NKIRAS1: variants seen among roughly 807,000 people sequenced by gnomAD.
NKIRAS1 encodes NFKB inhibitor interacting Ras like 1.
In NKIRAS1, 16 loss-of-function variants were observed where a neutral mutation model predicts 19.8. The observed-to-expected ratio is 0.81, with a 90% CI of 0.55 to 1.23. The LOEUF is 1.23. Ranked by LOEUF, NKIRAS1 falls within the 50% of genes most tolerant of loss-of-function variation. NKIRAS1 has a pLI of 0.00. For missense variants in NKIRAS1, 184 were observed against 220.0 expected (o/e 0.84, Z 1.04); for synonymous variants, 88 against 79.0 (o/e 1.11, Z -0.61).
intron 3 of NKIRAS1, among the ~76,000 whole-genome samples, chr3:23,903,500 C>G (rs1460922509): frequency 6.6e-6 from 1 of 151,944 alleles, no homozygotes; most frequent in Non-Finnish European, 1.5e-5. Flanking sequence ...GAGACCGCTA[C>G]AGAGAAACCA....
Position 23,891,163 on chromosome 3 carries a change from C to G in NKIRAS1, c.*1932G>C, listed in dbSNP as rs1019393588. On this transcript the variant is annotated 3_prime_UTR_variant, in exon 5 of 5. Coordinates refer to ENST00000425478, the MANE Select transcript of NKIRAS1 (RefSeq NM_020345.4). ...TGTTTAAAAAAGGTCTGAATCAGGA[C>G]TTGTGAAAACCTGTAGTGAAATACC... 6.6e-6 allele frequency: 1 copy of G among 152,494 alleles called. No homozygotes were observed. The highest frequency in any genetic ancestry group is 2.4e-5 in the African/African-American group (1 of 41,424). 9.4% of individuals were successfully genotyped at this position (152,494 alleles called of 1,614,324 possible).
intron 1 of NKIRAS1, chr3:23,946,205 C>T: frequency 1.0e-6 from 1 of 985,396 alleles, no homozygotes; most frequent in Non-Finnish European, 1.2e-6. Context: ...GTCCCCGAAG[C>T]GGGCGCTGAC....
At chr3:23,912,845 G>A (rs1415469231) in intron 1 of NKIRAS1, among the ~76,000 whole-genome samples, 7 of 152,078 alleles carry the variant, frequency 4.6e-5, no homozygotes, top group East Asian at 1.9e-4. Context: ...TACGTCGGGC[G>A]CGGTGGCTCA....
At chr3:23,919,805 T>C, upstream of NKIRAS1, 9 of 1,068,808 alleles carry the variant, frequency 8.4e-6, no homozygotes, top group Non-Finnish European at 1.0e-5. Flanking sequence ...AAACTAGCCC[T>C]GTAGATTTGT....
chr3:23,919,130 A>G (rs773201260), upstream of NKIRAS1: 18 of 1,116,054 alleles, frequency 1.6e-5, no homozygotes, highest in Middle Eastern at 6.0e-4. Flanking sequence ...GAGAATTAAA[A>G]TTCTTTCTGA....
At chr3:23,918,050 G>A, upstream of NKIRAS1, 1 of 1,594,626 alleles carries the variant, frequency 6.3e-7, no homozygotes, top group Non-Finnish European at 8.5e-7. Flanking sequence ...TCGACTGCGT[G>A]GATGCTTGGA....
At chr3:23,931,796 A>G (rs1337289892) in intron 1 of NKIRAS1, among the ~76,000 whole-genome samples, 2 of 152,228 alleles carry the variant, frequency 1.3e-5, no homozygotes, top group East Asian at 3.9e-4. Context: ...TGAGACCCAA[A>G]TTTGGTTTCT....
rs539791662 is a variant in NKIRAS1 at position 23,890,688 on chromosome 3, G to T, written c.*2407C>A. 188 of 1,089,194 alleles carry T rather than the reference G, an allele frequency of 1.7e-4. 2 individuals are homozygous for T. The highest frequency in any genetic ancestry group is 2.4e-4 in the Non-Finnish European group (182 of 755,524). The allele number at this position is 1,089,194 out of a possible 1,614,324, so 67.5% of individuals were successfully genotyped here. A position where few individuals can be genotyped will look rare whatever the true frequency, so the allele number is the denominator to read the frequency against. ...ATTTTGAAGGGGTCAGGGAGGGTGGGAGTTGGTAAAGAGTAGGGTATTTCT... is the reference window on the plus strand; with the variant it reads ...ATTTTGAAGGGGTCAGGGAGGGTGGTAGTTGGTAAAGAGTAGGGTATTTCT... On this transcript the variant is annotated 3_prime_UTR_variant, in exon 5 of 5. Transcript: ENST00000425478.
Position 23,891,670 on chromosome 3 carries a change from TTC to T in NKIRAS1, c.*1423_*1424del, listed in dbSNP as rs1265458254. 6.8e-6 allele frequency: 1 copy of T among 146,748 alleles called. No individual in the cohort carries two copies. Among genetic ancestry groups the T allele is most frequent in the Non-Finnish European group, 1.5e-5 (1 of 67,558 alleles). 9.1% of individuals were successfully genotyped at this position (146,748 alleles called of 1,614,324 possible). ...GGCAGTACATGTCCTGACCCAGCAG[TTC>T]TGTTTCTGTATGTCTCTTTCAGAGA... On this transcript the variant is annotated 3_prime_UTR_variant, in exon 5 of 5. Transcript: ENST00000425478.
At chr3:23,899,240 C>T (rs895579439) in intron 4 of NKIRAS1, among the ~76,000 whole-genome samples, 1 of 152,128 alleles carries the variant, frequency 6.6e-6, no homozygotes, top group Admixed American at 6.5e-5. Context: ...GTGATGGAAA[C>T]GTTCTGTGTC....
At position 23,898,330 on chromosome 3, in the gene NKIRAS1, T is replaced by C. The variant is rs370991869; in HGVS notation, c.336+2478A>G. 3.3e-5 allele frequency among the ~76,000 whole-genome samples: 5 copies of C among 152,206 alleles called. 1 individual carries two copies. Among genetic ancestry groups the C allele is most frequent in the African/African-American group, 1.2e-4 (5 of 41,518 alleles). On this transcript the variant is annotated intron_variant, in intron 4 of 4. Transcript: ENST00000425478. ...AAAGAGTTTGGTACGTACCATGGAA[T>C]ACTACTCACCAAGAAAAAGAAATGA...
intron 3 of NKIRAS1, among the ~76,000 whole-genome samples, chr3:23,909,419 C>A (rs1321431643): frequency 6.6e-6 from 1 of 152,166 alleles, no homozygotes; most frequent in African/African-American, 2.4e-5. Context: ...CCCAGTTACT[C>A]AGGAGGCTGA....
chr3:23,905,542 A>G (rs1186800238), intron 3 of NKIRAS1, among the ~76,000 whole-genome samples: 1 of 152,192 alleles, frequency 6.6e-6, no homozygotes. Context: ...TATCACGTAT[A>G]TTTTCTCAGA....
rs371756720 is a variant in NKIRAS1 at position 23,892,997 on chromosome 3, G to T, written c.*98C>A. The T allele has an allele frequency of 6.2e-6, 8 of 1,283,704 alleles. No individual in the cohort carries two copies. The South Asian group carries it at 7.5e-5, about 12-fold the overall frequency. 79.5% of individuals were successfully genotyped at this position (1,283,704 alleles called of 1,614,324 possible). On this transcript the variant is annotated 3_prime_UTR_variant, in exon 5 of 5. Coordinates refer to ENST00000425478, the MANE Select transcript of NKIRAS1 (RefSeq NM_020345.4). ...GGAATTTTCCTAAGGACCAAAGGTA[G>T]ATACAAATGGCCTATTTTAAATAGT...
At chr3:23,906,011 T>G (rs968490211) in intron 3 of NKIRAS1, among the ~76,000 whole-genome samples, 17 of 151,792 alleles carry the variant, frequency 1.1e-4, no homozygotes, top group Non-Finnish European at 2.4e-4. Context: ...ACACAAAAAT[T>G]AGCCAGGCAT....
intron 1 of NKIRAS1, among the ~76,000 whole-genome samples, chr3:23,936,311 T>C (rs4858563): frequency 0.64 from 97,391 of 151,828 alleles, 31,447 homozygotes; most frequent in Middle Eastern, 0.73. Context: ...GAAGGTGTGG[T>C]GCAGAAATTC....
chr3:23,921,520 TTAC>T (rs1316585798), upstream of NKIRAS1: 4 of 678,470 alleles, frequency 5.9e-6, no homozygotes, highest in African/African-American at 1.8e-5. Flanking sequence ...CCCATTTGCT[TTAC>T]TATTTCTATA....
In NKIRAS1 at chr3:23,893,309, ATT is replaced by A. The variant is rs763537059; in HGVS notation, c.363_364del (p.Lys121AsnfsTer5). 1.2e-6 allele frequency: 2 copies of A among 1,613,696 alleles called. No individual in the cohort carries two copies. Among genetic ancestry groups the A allele is most frequent in the South Asian group, 2.2e-5 (2 of 91,008 alleles). On this transcript the variant is annotated frameshift_variant, in exon 5 of 5. Coordinates refer to ENST00000425478, the MANE Select transcript of NKIRAS1 (RefSeq NM_020345.4). LOFTEE classifies it high-confidence loss of function. Reference sequence around the variant, plus strand: ...CACTTGTCTCTGCTCAGAAAGGTCGATTTTGTTTCCTAATACCACAATTGCTA... The same window carrying A: ...CACTTGTCTCTGCTCAGAAAGGTCGATTGTTTCCTAATACCACAATTGCTA...
At chr3:23,918,755 C>G (rs948914646), upstream of NKIRAS1, 1 of 729,498 alleles carries the variant, frequency 1.4e-6, no homozygotes, top group South Asian at 1.9e-5. Flanking sequence ...GTTACAAATG[C>G]GTGTGTATAT....
Sources: allele counts gnomAD v4.1 joint callset (sites outside exome capture counted in the v4.1 genomes callset), GRCh38; gene constraint gnomAD v4.1.1; transcripts MANE v1.5; gene names NCBI Gene and HGNC (gene_info 2026-07-23, HGNC 2026-07-21).